CNTNAP2: variants seen among roughly 807,000 people sequenced by gnomAD.
CNTNAP2 encodes the protein contactin-associated protein-like 2.
In CNTNAP2, 98 loss-of-function variants were observed where a neutral mutation model predicts 155.2. The ratio of observed to expected loss-of-function variants is 0.63; its 90% CI spans 0.54 to 0.75. The LOEUF (loss-of-function observed/expected upper bound fraction) is 0.75, where lower values mean the gene tolerates loss of function less well. Ranked by LOEUF, CNTNAP2 falls within the 30% of genes least tolerant of loss-of-function variation. CNTNAP2 has a pLI of 0.00. For missense variants in CNTNAP2, 1,727 were observed against 1,688.1 expected (o/e 1.02, Z -0.40); for synonymous variants, 651 against 631.2 (o/e 1.03, Z -0.47).
chr7:147,842,838 C>G (rs550035866), intron 13 of CNTNAP2, among the ~76,000 whole-genome samples: 1 of 54,806 alleles, frequency 1.8e-5, no homozygotes, highest in African/African-American at 7.2e-5. Context: ...TGAGAATATG[C>G]GGTGTTTGGT....
intron 11 of CNTNAP2, among the ~76,000 whole-genome samples, chr7:147,524,542 G>A (rs902995387): frequency 3.9e-5 from 6 of 152,202 alleles, no homozygotes; most frequent in Admixed American, 3.3e-4. Context: ...TTTGCACTGT[G>A]ACAAGAACTG....
chr7:147,885,865 C>T (rs1438051975), intron 13 of CNTNAP2, among the ~76,000 whole-genome samples: 1 of 152,162 alleles, frequency 6.6e-6, no homozygotes, highest in African/African-American at 2.4e-5. Context: ...CATAAAGTAA[C>T]TGCAACACAA....
chr7:146,254,491 A>G (rs1799807814), intron 1 of CNTNAP2, among the ~76,000 whole-genome samples: 1 of 152,224 alleles, frequency 6.6e-6, no homozygotes, highest in Non-Finnish European at 1.5e-5. Context: ...AAGACAGTAA[A>G]TGGAGGAAGT....
chr7:148,331,077 A>G (rs1378771647), intron 21 of CNTNAP2, among the ~76,000 whole-genome samples: 1 of 147,500 alleles, frequency 6.8e-6, no homozygotes, highest in African/African-American at 2.5e-5. Context: ...GGATGGATGG[A>G]TAGATGGAGT....
chr7:146,525,778 T>C (rs1797682441), intron 1 of CNTNAP2, among the ~76,000 whole-genome samples: 2 of 152,152 alleles, frequency 1.3e-5, no homozygotes, highest in African/African-American at 2.4e-5. Context: ...GCTGCGGCAC[T>C]ACTGGTTGTA....
intron 21 of CNTNAP2, among the ~76,000 whole-genome samples, chr7:148,279,343 T>C (rs1229518350): frequency 6.6e-6 from 1 of 152,140 alleles, no homozygotes; most frequent in African/African-American, 2.4e-5. Context: ...GAGAAATCTT[T>C]GGACTAGGAA....
chr7:147,277,952 A>G (rs1010690165), intron 8 of CNTNAP2, among the ~76,000 whole-genome samples: 7 of 151,748 alleles, frequency 4.6e-5, no homozygotes, highest in African/African-American at 1.7e-4. Context: ...CTTATCACTC[A>G]TTCCATACCA....
chr7:146,988,368 CTA>C (rs1372504908), intron 3 of CNTNAP2, among the ~76,000 whole-genome samples: 1 of 151,942 alleles, frequency 6.6e-6, no homozygotes, highest in East Asian at 1.9e-4. Flanking sequence ...GATATGTTTT[CTA>C]TCTTATTTTC....
intron 8 of CNTNAP2, among the ~76,000 whole-genome samples, chr7:147,139,251 G>A (rs1468328381): frequency 6.6e-6 from 1 of 152,034 alleles, no homozygotes; most frequent in Admixed American, 6.6e-5. Context: ...TTAAGTGTAA[G>A]GGCTGACACT....
At chr7:147,044,455 G>A (rs1488509109) in intron 4 of CNTNAP2, among the ~76,000 whole-genome samples, 1 of 151,902 alleles carries the variant, frequency 6.6e-6, no homozygotes, top group African/African-American at 2.4e-5. Context: ...AAAACATTTC[G>A]AAGAACTTCC....
In CNTNAP2 at chr7:148,365,715, T is replaced by C. The variant is rs1324771144; in HGVS notation, c.3476-17934T>C. Among the ~76,000 whole-genome samples the C allele has an allele frequency of 5.1e-3, 250 of 49,242 alleles. 6 individuals are homozygous for C. The highest frequency in any genetic ancestry group is 0.012 in the African/African-American group (235 of 19,052). 32.3% of individuals were successfully genotyped at this position (49,242 alleles called of 152,430 possible). A position where few individuals can be genotyped will look rare whatever the true frequency, so the allele number is the denominator to read the frequency against. On this transcript the variant is annotated intron_variant, in intron 21 of 23. Transcript: ENST00000361727. ...GTATATATGTATACTTTTATATATA[T>C]GTATACGTGTATATATGTATGTGTA...
chr7:147,441,772 T>C (rs1359091041), intron 10 of CNTNAP2, among the ~76,000 whole-genome samples: 3 of 151,308 alleles, frequency 2.0e-5, no homozygotes, highest in African/African-American at 7.3e-5. Flanking sequence ...TGGACACTCT[T>C]GTTCTCTTCC....
rs78453670 is a variant in CNTNAP2, at chr7:147,389,639, A to T, written c.1499-5970A>T. ...GCAAGTCTTGAAACAGAAATTTCAG[A>T]CATGCCAGTGAAGTAATATAATTAC... On this transcript the variant is annotated intron_variant, in intron 9 of 23. Transcript: ENST00000361727. 8.9e-3 allele frequency among the ~76,000 whole-genome samples: 1,349 copies of T among 152,280 alleles called. 22 individuals carry two copies. Among genetic ancestry groups the T allele is most frequent in the African/African-American group, 0.031 (1,293 of 41,550 alleles).
chr7:146,854,570 CT>C (rs34430346), intron 3 of CNTNAP2, among the ~76,000 whole-genome samples: 50,537 of 151,910 alleles, frequency 0.33, 8,856 homozygotes, highest in African/African-American at 0.46. Flanking sequence ...AGCAAAGGGT[CT>C]TTAAGAGCCT....
intron 1 of CNTNAP2, among the ~76,000 whole-genome samples, chr7:146,522,118 C>T (rs1041316799): frequency 1.3e-5 from 2 of 151,902 alleles, no homozygotes; most frequent in African/African-American, 4.8e-5. Context: ...CTTTAAAGAT[C>T]GTCATTCTTC....
intron 20 of CNTNAP2, among the ~76,000 whole-genome samples, chr7:148,261,922 A>G (rs551779726): frequency 2.0e-5 from 3 of 152,358 alleles, no homozygotes; most frequent in Non-Finnish European, 2.9e-5. Flanking sequence ...GTGTCCCTCC[A>G]GAGCACGCTA....
chr7:147,226,446 T>C (rs1055077795), intron 8 of CNTNAP2, among the ~76,000 whole-genome samples: 23 of 152,058 alleles, frequency 1.5e-4, no homozygotes, highest in Non-Finnish European at 2.8e-4. Flanking sequence ...CGTCATGCCA[T>C]GGCTTGGAAA....
intron 1 of CNTNAP2, among the ~76,000 whole-genome samples, chr7:146,432,673 T>G (rs1796189069): frequency 6.6e-6 from 1 of 152,270 alleles, no homozygotes; most frequent in Non-Finnish European, 1.5e-5. Context: ...AGGAATAGGG[T>G]TAAGTGGCCA....
At chr7:147,635,133 A>G (rs1795154094) in intron 12 of CNTNAP2, among the ~76,000 whole-genome samples, 1 of 150,818 alleles carries the variant, frequency 6.6e-6, no homozygotes, top group Non-Finnish European at 1.5e-5. Context: ...CACAGGGTCT[A>G]TACTTCCCTT....
Sources: allele counts gnomAD v4.1 joint callset (sites outside exome capture counted in the v4.1 genomes callset), GRCh38; gene constraint gnomAD v4.1.1; transcripts MANE v1.5; gene names NCBI Gene and HGNC (gene_info 2026-07-23, HGNC 2026-07-21).